The following STK31 variants were observed in gnomAD, a reference collection of about 807,000 sequenced individuals.
STK31 encodes serine/threonine kinase 31.
A neutral mutation model predicts 129.7 loss-of-function variants in STK31; 89 were observed. That is an observed-to-expected ratio of 0.69 (90% CI 0.58 to 0.82). STK31 has a LOEUF of 0.82. STK31 is among the 40% of genes least tolerant of loss of function. The pLI is 0.00. For synonymous variants in STK31, 448 were observed against 395.3 expected (o/e 1.13, Z -1.58); for missense variants, 1,187 against 1,176.4 (o/e 1.01, Z -0.13).
At chr7:23,745,036 C>G (rs938580807) in intron 8 of STK31, among the ~76,000 whole-genome samples, 5 of 152,194 alleles carry the variant, frequency 3.3e-5, no homozygotes, top group African/African-American at 1.2e-4. Flanking sequence ...AATGGCTTGA[C>G]AACCCTGTGC....
At chr7:23,769,290 A>G in intron 12 of STK31, 116 bp downstream of exon 12, 1 of 977,162 alleles carries the variant, frequency 1.0e-6, no homozygotes, top group Non-Finnish European at 1.4e-6. Flanking sequence ...ATCAGATTTA[A>G]AATTGCCACC....
At chr7:23,810,204 A>G (rs1160173716) in intron 22 of STK31, among the ~76,000 whole-genome samples, 1 of 152,072 alleles carries the variant, frequency 6.6e-6, no homozygotes, top group African/African-American at 2.4e-5. Context: ...TTTGTCTGAT[A>G]TTACAGCCAT....
chr7:23,732,319 T>G (rs1787480249), intron 6 of STK31, among the ~76,000 whole-genome samples: 1 of 152,208 alleles, frequency 6.6e-6, no homozygotes, highest in African/African-American at 2.4e-5. Flanking sequence ...AAATATATTT[T>G]TTAAGTGCAG....
chr7:23,777,643 A>G (rs1790644783), intron 15 of STK31, among the ~76,000 whole-genome samples: 1 of 151,950 alleles, frequency 6.6e-6, no homozygotes, highest in Admixed American at 6.6e-5. Context: ...TTTATCAGAT[A>G]CCAGGATTGC....
intron 21 of STK31, among the ~76,000 whole-genome samples, chr7:23,789,333 T>G: frequency 6.6e-6 from 1 of 152,120 alleles, no homozygotes; most frequent in Non-Finnish European, 1.5e-5. Flanking sequence ...TTACATTGTT[T>G]TACTTTTTGA....
intron 1 of STK31, among the ~76,000 whole-genome samples, chr7:23,711,429 GAAAA>G (rs995172446): frequency 8.0e-6 from 1 of 125,742 alleles, no homozygotes; most frequent in Non-Finnish European, 1.7e-5. Context: ...CGTTTGGGGG[GAAAA>G]AAAAAAAAAC....
intron 15 of STK31, among the ~76,000 whole-genome samples, chr7:23,773,690 C>A (rs1790342296): frequency 6.6e-6 from 1 of 151,702 alleles, no homozygotes; most frequent in Admixed American, 6.6e-5. Context: ...TTCTCCACAT[C>A]CTCTCCAGCA....
chr7:23,821,800 T>G (rs1242849052), intron 23 of STK31, among the ~76,000 whole-genome samples: 4 of 152,202 alleles, frequency 2.6e-5, no homozygotes, highest in Admixed American at 1.3e-4. Context: ...TACATTTAAG[T>G]CTTTAATCAA....
rs1435583432 is a variant in STK31, at chr7:23,712,095, C to G, written c.51-4C>G. The G allele has an allele frequency of 6.2e-7, 1 of 1,601,722 alleles. No homozygotes were observed. Among genetic ancestry groups the G allele is most frequent in the Non-Finnish European group, 8.6e-7 (1 of 1,169,462 alleles). On this transcript the variant is annotated splice_region_variant and splice_polypyrimidine_tract_variant and intron_variant, in intron 1 of 23. Transcript: ENST00000355870. The stretch of plus-strand genomic sequence containing the variant: ...TTGTAATCTAATTTAAGGTATTGTT[C>G]TAGTTTTTCAGGAATTGTTCAAATG...
intron 22 of STK31, chr7:23,791,347 T>C (rs1562605876): frequency 3.1e-6 from 3 of 980,228 alleles, no homozygotes; most frequent in Non-Finnish European, 3.6e-6. Flanking sequence ...CTGGAGACCA[T>C]TATCCTAAGC....
chr7:23,743,586 A>C (rs912971193), intron 8 of STK31, among the ~76,000 whole-genome samples: 5 of 152,144 alleles, frequency 3.3e-5, no homozygotes, highest in African/African-American at 1.2e-4. Flanking sequence ...GACTTTTGAC[A>C]GGTTGACTGT....
At chr7:23,799,058 A>G (rs530805479) in intron 22 of STK31, among the ~76,000 whole-genome samples, 102 of 152,216 alleles carry the variant, frequency 6.7e-4, no homozygotes, top group African/African-American at 2.3e-3. Flanking sequence ...CCTCTTCAAG[A>G]AGAATTACAA....
chr7:23,816,557 CAT>C (rs1363617669), intron 23 of STK31, among the ~76,000 whole-genome samples: 5 of 152,200 alleles, frequency 3.3e-5, no homozygotes, highest in African/African-American at 9.6e-5. Context: ...TCTAACCTCA[CAT>C]GTTTGTTCAT....
chr7:23,755,308 G>A (rs1234875335), intron 10 of STK31: 1 of 152,106 alleles, frequency 6.6e-6, no homozygotes, highest in East Asian at 1.9e-4. Flanking sequence ...TTTGAGAAGT[G>A]CCTCTTCATA....
At chr7:23,755,170 T>C (rs1192301643) in intron 10 of STK31, 1 of 152,200 alleles carries the variant, frequency 6.6e-6, no homozygotes, top group Non-Finnish European at 1.5e-5. Context: ...TATTGTTTCC[T>C]GACTTTAATG....
chr7:23,719,563 G>A (rs776593749), intron 4 of STK31, among the ~76,000 whole-genome samples: 23 of 152,066 alleles, frequency 1.5e-4, no homozygotes, highest in Non-Finnish European at 2.8e-4. Context: ...TCTGACAGGT[G>A]ACAACAGTAG....
At chr7:23,777,784 T>C (rs1285273364) in intron 15 of STK31, among the ~76,000 whole-genome samples, 1 of 152,138 alleles carries the variant, frequency 6.6e-6, no homozygotes, top group Non-Finnish European at 1.5e-5. Flanking sequence ...CTTGACTCTT[T>C]ATCCAATTTG....
At chr7:23,775,378 G>A (rs1243843559) in intron 15 of STK31, among the ~76,000 whole-genome samples, 2 of 152,036 alleles carry the variant, frequency 1.3e-5, no homozygotes. Flanking sequence ...ATTCAGTGGT[G>A]GCTTGATGGG....
chr7:23,756,763 A>G (rs1028748771), intron 10 of STK31, among the ~76,000 whole-genome samples: 4 of 152,134 alleles, frequency 2.6e-5, no homozygotes, highest in African/African-American at 9.7e-5. Flanking sequence ...GGTTTTTGTC[A>G]TTGGTTCTGT....
Sources: allele counts gnomAD v4.1 joint callset (sites outside exome capture counted in the v4.1 genomes callset), GRCh38; gene constraint gnomAD v4.1.1; transcripts MANE v1.5; gene names NCBI Gene and HGNC (gene_info 2026-07-23, HGNC 2026-07-21).